MAST4: variants seen among roughly 807,000 people sequenced by gnomAD.
MAST4 encodes the protein microtubule associated serine/threonine kinase family member 4.
A neutral mutation model predicts 162.7 loss-of-function variants in MAST4; 89 were observed. That is an observed-to-expected ratio of 0.55 (90% CI 0.46 to 0.65). The LOEUF is 0.65. Among genes scored for constraint, MAST4 ranks in the 30% least tolerant of loss-of-function variants. MAST4 has a pLI of 0.00. For synonymous variants in MAST4, 1,479 were observed against 1,361.1 expected (o/e 1.09, Z -1.91); for missense variants, 3,153 against 3,374.0 (o/e 0.93, Z 1.62).
At chr5:66,700,855 G>A (rs946905964) in intron 1 of MAST4, among the ~76,000 whole-genome samples, 1 of 150,634 alleles carries the variant, frequency 6.6e-6, no homozygotes, top group Non-Finnish European at 1.5e-5. Context: ...ATTAGAACTT[G>A]TGGATAACAT....
intron 3 of MAST4, among the ~76,000 whole-genome samples, chr5:66,896,335 G>A (rs997918391): frequency 8.5e-5 from 13 of 152,170 alleles, no homozygotes; most frequent in East Asian, 7.7e-4. Flanking sequence ...GCAGCATGAC[G>A]TTAGCGTGAC....
chr5:67,155,431 G>T (rs1772368961), intron 26 of MAST4, among the ~76,000 whole-genome samples: 1 of 152,168 alleles, frequency 6.6e-6, no homozygotes, highest in Non-Finnish European at 1.5e-5. Context: ...GTAGACCGAG[G>T]TCATTCTTCA....
intron 4 of MAST4, among the ~76,000 whole-genome samples, chr5:67,040,268 A>G (rs1384933993): frequency 6.6e-6 from 1 of 152,130 alleles, no homozygotes; most frequent in African/African-American, 2.4e-5. Flanking sequence ...CTAAAAAACA[A>G]TAGAACAAAA....
chr5:67,145,253 G>A lies in MAST4; in HGVS notation c.2968G>A (p.Ala990Thr). ...TTCAACAGAGGGAGAGCAAGATGAA[G>A]CTGCCTCCTGCCCTGGAGACCCCCA... The part of the protein sequence containing the change: ...AISTEGEQDE[A>T]ASCPGDPHEE... Residue 990 changes from alanine (A) to threonine (T), a missense_variant, in exon 23 of 29, where the codon GCT becomes ACT. By Grantham distance (58) the Ala-to-Thr change is moderately conservative. Around this residue, in one of 7 missense-constraint regions of MAST4, gnomAD observed 619 missense variants for 744.2 expected, o/e 0.83. Coordinates refer to ENST00000403625, the MANE Select transcript of MAST4 (RefSeq NM_001164664.2). 3 of 1,613,888 alleles carry A rather than the reference G, an allele frequency of 1.9e-6. No individual in the cohort carries two copies. The highest frequency in any genetic ancestry group is 8.5e-7 in the Non-Finnish European group (1 of 1,179,848).
At position 67,163,734 on chromosome 5, in the gene MAST4, GGCC is replaced by G; in HGVS notation, c.4559_4561del (p.Arg1520del). 1 of 1,608,960 alleles carries G rather than the reference GGCC, an allele frequency of 6.2e-7. No individual in the cohort carries two copies. The highest frequency in any genetic ancestry group is 1.3e-5 in the African/African-American group (1 of 74,978). ...GAAACGCCCAGTCTCCCGGAAGGTG[GGCC>G]GCCAGGAGTCTGTGGACGACCTGGA... On this transcript the variant is annotated inframe_deletion, in exon 29 of 29. Transcript: ENST00000403625. The surrounding 1 kb of genome is among the most constrained non-coding windows in gnomAD (Gnocchi z 7.0).
At chr5:66,614,828 T>C (rs981134435) in intron 1 of MAST4, among the ~76,000 whole-genome samples, 1 of 151,998 alleles carries the variant, frequency 6.6e-6, no homozygotes, top group Admixed American at 6.5e-5. Context: ...TTCCCTCGTG[T>C]TGGGAGGTGA....
At chr5:66,985,248 G>A (rs1749349591) in intron 4 of MAST4, among the ~76,000 whole-genome samples, 4 of 152,138 alleles carry the variant, frequency 2.6e-5, no homozygotes, top group Admixed American at 2.6e-4. Context: ...TTCATTAGGA[G>A]GATATGAAAT....
At chr5:66,661,268 CATCCTTG>C (rs1488872418) in intron 1 of MAST4, among the ~76,000 whole-genome samples, 1 of 152,188 alleles carries the variant, frequency 6.6e-6, no homozygotes, top group African/African-American at 2.4e-5. Context: ...GACATTCAGT[CATCCTTG>C]GCATGTGTGT....
Position 66,670,899 on chromosome 5 carries a change from G to A in MAST4, c.363+73881G>A, listed in dbSNP as rs983663873. 7.9e-5 allele frequency among the ~76,000 whole-genome samples: 12 copies of A among 151,920 alleles called. No homozygotes were observed. The East Asian group carries it at 1.2e-3, about 15-fold the overall frequency. Reference sequence around the variant, plus strand: ...TACACTTAACATAATTATTAATCGCGCCCTTTCGCTCTGAAGTGTCCCAAT... The same window carrying A: ...TACACTTAACATAATTATTAATCGCACCCTTTCGCTCTGAAGTGTCCCAAT... On this transcript the variant is annotated intron_variant, in intron 1 of 28. Transcript: ENST00000403625.
At chr5:66,852,175 TCTCA>T (rs1759360851) in intron 3 of MAST4, among the ~76,000 whole-genome samples, 1 of 152,116 alleles carries the variant, frequency 6.6e-6, no homozygotes, top group African/African-American at 2.4e-5. Context: ...TGAGATGAGG[TCTCA>T]CTCTGTCACC....
chr5:66,688,283 A>T (rs1748821622), intron 1 of MAST4, among the ~76,000 whole-genome samples: 1 of 152,194 alleles, frequency 6.6e-6, no homozygotes, highest in Non-Finnish European at 1.5e-5. Flanking sequence ...GCCTGCAGTG[A>T]TTTGACACAC....
intron 3 of MAST4, among the ~76,000 whole-genome samples, chr5:66,803,504 G>C (rs949413705): frequency 2.0e-5 from 3 of 152,024 alleles, no homozygotes; most frequent in African/African-American, 7.2e-5. Flanking sequence ...TGCTATTCTA[G>C]ACCATGGTAT....
intron 4 of MAST4, among the ~76,000 whole-genome samples, chr5:66,944,199 A>G (rs1390317466): frequency 2.0e-5 from 3 of 152,144 alleles, no homozygotes; most frequent in Non-Finnish European, 4.4e-5. Context: ...ATCTGTTTCT[A>G]AAATAATGTG....
intron 1 of MAST4, among the ~76,000 whole-genome samples, chr5:66,726,169 A>AAGGG (rs1751504815): frequency 6.6e-6 from 1 of 151,990 alleles, no homozygotes; most frequent in Non-Finnish European, 1.5e-5. Context: ...GTGGTCAGGG[A>AAGGG]AGGGAGGGAG....
At chr5:67,005,994 G>C (rs1333383054) in intron 4 of MAST4, among the ~76,000 whole-genome samples, 1 of 152,226 alleles carries the variant, frequency 6.6e-6, no homozygotes, top group Non-Finnish European at 1.5e-5. Flanking sequence ...ATGCTTCAGT[G>C]TTCAAAGAAC....
intron 1 of MAST4, among the ~76,000 whole-genome samples, chr5:66,698,795 A>G (rs1749576178): frequency 6.6e-6 from 1 of 152,054 alleles, no homozygotes; most frequent in African/African-American, 2.4e-5. Context: ...ATTGTTCTTC[A>G]TTCCCCTAGT....
At chr5:66,676,755 C>CA (rs1249314218) in intron 1 of MAST4, among the ~76,000 whole-genome samples, 1 of 152,164 alleles carries the variant, frequency 6.6e-6, no homozygotes, top group Non-Finnish European at 1.5e-5. Context: ...TTATTTTAAA[C>CA]ATATTTTCAT....
Position 67,160,607 on chromosome 5 carries a change from T to C in MAST4, c.3785+15T>C. 6.2e-7 allele frequency: 1 copy of C among 1,611,714 alleles called. No individual in the cohort carries two copies. Among genetic ancestry groups the C allele is most frequent in the Non-Finnish European group, 8.5e-7 (1 of 1,179,134 alleles). The stretch of plus-strand genomic sequence containing the variant: ...AGTCTCGAAAGGTTAGTAAAATCAG[T>C]ATTCTTTTTAAGTTTGGTGTATACC... On this transcript the variant is annotated intron_variant, in intron 27 of 28. Transcript: ENST00000403625.
At chr5:67,045,526 A>G (rs34246062) in intron 4 of MAST4, among the ~76,000 whole-genome samples, 4 of 152,370 alleles carry the variant, frequency 2.6e-5, no homozygotes, top group Admixed American at 6.5e-5. Flanking sequence ...TCAGTCAACA[A>G]CAGACCACAT....
Sources: allele counts gnomAD v4.1 joint callset (sites outside exome capture counted in the v4.1 genomes callset), GRCh38; gene constraint gnomAD v4.1.1; regional missense constraint gnomAD v4.1.1; non-coding constraint Gnocchi (gnomAD v3.1); transcripts MANE v1.5; gene names NCBI Gene and HGNC (gene_info 2026-07-23, HGNC 2026-07-21).